Variants in ZNF704 observed in about 807,000 individuals in gnomAD.
The protein encoded by ZNF704 is zinc finger protein 704.
A neutral mutation model predicts 44.7 loss-of-function variants in ZNF704; 10 were observed. The observed-to-expected ratio is 0.22, with a 90% CI of 0.14 to 0.38. ZNF704 has a LOEUF of 0.38. Among genes scored for constraint, ZNF704 ranks in the 10% least tolerant of loss-of-function variants. The probability of loss-of-function intolerance (pLI) is 1.00; values close to 1 mark genes in which losing one functional copy is unlikely to be tolerated. For missense variants in ZNF704, 390 were observed against 545.5 expected (o/e 0.71, Z 2.84); for synonymous variants, 211 against 207.6 (o/e 1.02, Z -0.14).
intron 4 of ZNF704, among the ~76,000 whole-genome samples, chr8:80,672,346 G>C (rs1000703168): frequency 2.6e-5 from 4 of 152,192 alleles, no homozygotes; most frequent in Admixed American, 6.5e-5. Flanking sequence ...AGCCACTGTG[G>C]AAGGCAGTTT....
At chr8:80,679,057 T>C (rs1563516076) in intron 4 of ZNF704, among the ~76,000 whole-genome samples, 1 of 152,162 alleles carries the variant, frequency 6.6e-6, no homozygotes, top group Non-Finnish European at 1.5e-5. Context: ...AGAGTTCTGG[T>C]AACCTTCTGG....
intron 2 of ZNF704, among the ~76,000 whole-genome samples, chr8:80,807,054 A>G (rs557753679): frequency 4.6e-5 from 7 of 152,250 alleles, no homozygotes; most frequent in Admixed American, 2.6e-4. Context: ...AAGAAAGCCA[A>G]TATCAGACTC....
intron 4 of ZNF704, among the ~76,000 whole-genome samples, chr8:80,686,941 C>T (rs1410947664): frequency 6.6e-6 from 1 of 152,188 alleles, no homozygotes; most frequent in African/African-American, 2.4e-5. Flanking sequence ...GTCCAATTTT[C>T]TAACTTACAA....
chr8:80,706,851 G>C (rs1468784799), intron 2 of ZNF704, among the ~76,000 whole-genome samples: 1 of 152,202 alleles, frequency 6.6e-6, no homozygotes, highest in African/African-American at 2.4e-5. Flanking sequence ...ATACACCTGG[G>C]ACAGGGCTGA....
At chr8:80,732,920 C>T (rs1443558132) in intron 2 of ZNF704, among the ~76,000 whole-genome samples, 1 of 145,792 alleles carries the variant, frequency 6.9e-6, no homozygotes, top group Non-Finnish European at 1.5e-5. Context: ...CACCACTGCA[C>T]TCCGGCCTGG....
At chr8:80,880,333 C>A in the ZNF704 span, among the ~76,000 whole-genome samples, 21,620 of 152,016 alleles carry the variant, frequency 0.14, 2,572 homozygotes, top group African/African-American at 0.33. Context: ...CCATGTAGTT[C>A]AAGAGAAAAA....
intron 2 of ZNF704, among the ~76,000 whole-genome samples, chr8:80,793,271 C>A (rs536689480): frequency 1.3e-5 from 2 of 151,988 alleles, no homozygotes; most frequent in African/African-American, 2.4e-5. Context: ...AGAAAAAGTG[C>A]GTGTGGAGAA....
intron 2 of ZNF704, among the ~76,000 whole-genome samples, chr8:80,796,696 C>T (rs181610727): frequency 1.1e-4 from 17 of 152,102 alleles, no homozygotes; most frequent in Admixed American, 4.6e-4. Context: ...GTGGACATTC[C>T]CATTTGAAAA....
intron 7 of ZNF704, among the ~76,000 whole-genome samples, chr8:80,657,694 A>G (rs746865529): frequency 3.9e-4 from 40 of 103,410 alleles, no homozygotes; most frequent in Non-Finnish European, 6.0e-4. Context: ...CTGTTTCAAG[A>G]AAAAAAAAAA....
rs114977755 is a variant in ZNF704, at chr8:80,679,093, G to A, written c.558+8133C>T. ...ATTGTAGAAATTCCTCCCTTGTAGA[G>A]CCTCTTAAGGCTCTACGGGTTAGGG... On this transcript the variant is annotated intron_variant, in intron 4 of 8. Coordinates refer to ENST00000327835, the MANE Select transcript of ZNF704 (RefSeq NM_001033723.3). Among the ~76,000 whole-genome samples the A allele has an allele frequency of 3.6e-3, 545 of 152,212 alleles. 7 individuals carry two copies. Among genetic ancestry groups the A allele is most frequent in the African/African-American group, 0.012 (515 of 41,524 alleles).
At chr8:80,752,637 G>T (rs761919284) in intron 2 of ZNF704, among the ~76,000 whole-genome samples, 19 of 152,088 alleles carry the variant, frequency 1.2e-4, no homozygotes, top group Non-Finnish European at 2.6e-4. Context: ...CACCTCCCGG[G>T]TTCAAGTGAT....
At chr8:80,665,103 AC>A (rs1405542585) in intron 5 of ZNF704, 21 bp from the exon 6 acceptor site, 1 of 1,610,960 alleles carries the variant, frequency 6.2e-7, no homozygotes, top group Non-Finnish European at 8.5e-7. Context: ...AGAGAGTAAA[AC>A]AATCATACTA....
At chr8:80,865,896 C>G (rs560599689) in intron 1 of ZNF704, among the ~76,000 whole-genome samples, 16 of 152,266 alleles carry the variant, frequency 1.1e-4, no homozygotes, top group African/African-American at 3.9e-4. Flanking sequence ...TCCTTGAAAA[C>G]TCTAGAGTCA....
At chr8:80,853,706 G>T (rs1808910575) in intron 1 of ZNF704, among the ~76,000 whole-genome samples, 1 of 152,184 alleles carries the variant, frequency 6.6e-6, no homozygotes, top group African/African-American at 2.4e-5. Context: ...TCTGTATAAT[G>T]ACATGCTTGT....
intron 6 of ZNF704, 41 bp from the exon 7 acceptor site, chr8:80,659,730 T>A: frequency 3.5e-5 from 52 of 1,483,150 alleles, no homozygotes; most frequent in Non-Finnish European, 4.6e-5. Context: ...TGAAGGAATA[T>A]TTTCCTTCGG....
intron 1 of ZNF704, among the ~76,000 whole-genome samples, chr8:80,836,621 TA>T (rs1332671075): frequency 1.3e-5 from 2 of 151,710 alleles, no homozygotes; most frequent in African/African-American, 4.8e-5. Flanking sequence ...TACAAAAAAT[TA>T]AAAAATTAGC....
chr8:80,679,326 TACAA>T (rs1228451119), intron 4 of ZNF704, among the ~76,000 whole-genome samples: 2 of 151,460 alleles, frequency 1.3e-5, no homozygotes, highest in African/African-American at 2.5e-5. Context: ...ATCCTTTGTC[TACAA>T]ACAGACTAGT....
rs78936253 is a variant in ZNF704 at position 80,847,603 on chromosome 8, G to C, written c.-21-25988C>G. Among the ~76,000 whole-genome samples the C allele has an allele frequency of 8.1e-3, 1,239 of 152,250 alleles. 15 individuals are homozygous for C. Among genetic ancestry groups the C allele is most frequent in the African/African-American group, 0.028 (1,149 of 41,556 alleles). ...TATACAGCTACCATAACTCAAGATG[G>C]TATGGTACCAGCAGAGCACATCAAT... On this transcript the variant is annotated intron_variant, in intron 1 of 8. Transcript: ENST00000327835.
intron 1 of ZNF704, among the ~76,000 whole-genome samples, chr8:80,833,967 T>C (rs1808514392): frequency 6.6e-6 from 1 of 152,200 alleles, no homozygotes; most frequent in African/African-American, 2.4e-5. Flanking sequence ...AGTTCTTAAC[T>C]GGAAGCCTAT....
Sources: allele counts gnomAD v4.1 joint callset (sites outside exome capture counted in the v4.1 genomes callset), GRCh38; gene constraint gnomAD v4.1.1; transcripts MANE v1.5; gene names NCBI Gene and HGNC (gene_info 2026-07-23, HGNC 2026-07-21).